The following AKAP19 variants were observed in gnomAD, a reference collection of about 807,000 sequenced individuals.
The protein encoded by AKAP19 is A-kinase anchoring protein 19, also known as small A-kinase anchoring protein.
At chr2:189,884,839 T>C in the AKAP19 span, among the ~76,000 whole-genome samples, 1 of 152,226 alleles carries the variant, frequency 6.6e-6, no homozygotes, top group African/African-American at 2.4e-5. Flanking sequence ...CAGCAAGTTC[T>C]CTGGTGATGC....
chr2:189,892,624 C>A, the AKAP19 span, among the ~76,000 whole-genome samples: 1 of 152,160 alleles, frequency 6.6e-6, no homozygotes, highest in Non-Finnish European at 1.5e-5. Flanking sequence ...CAGATGGGCA[C>A]CTGCCAGTTG....
At chr2:190,099,115 A>G in the AKAP19 span, among the ~76,000 whole-genome samples, 570 of 152,304 alleles carry the variant, frequency 3.7e-3, 16 homozygotes, top group Admixed American at 0.033. Flanking sequence ...TGTGTATTCA[A>G]TGGAGTAGCA....
At chr2:190,187,972 T>G in the AKAP19 span, among the ~76,000 whole-genome samples, 1 of 152,226 alleles carries the variant, frequency 6.6e-6, no homozygotes, top group Admixed American at 6.5e-5. Flanking sequence ...TTCTATATTT[T>G]TAGAGCTTTG....
At chr2:190,063,873 T>C in the AKAP19 span, among the ~76,000 whole-genome samples, 1 of 152,098 alleles carries the variant, frequency 6.6e-6, no homozygotes, top group Admixed American at 6.6e-5. Context: ...CCACAAGATC[T>C]AGTCAAATGA....
chr2:190,006,521 G>A, the AKAP19 span, among the ~76,000 whole-genome samples: 7 of 151,810 alleles, frequency 4.6e-5, no homozygotes, highest in African/African-American at 1.7e-4. Flanking sequence ...GTGATGGCGG[G>A]TGCCTGTAGT....
chr2:189,987,552 G>A, the AKAP19 span, among the ~76,000 whole-genome samples: 1 of 152,302 alleles, frequency 6.6e-6, no homozygotes, highest in African/African-American at 2.4e-5. Flanking sequence ...TTAAAATAGT[G>A]CATTCTCCTA....
the AKAP19 span, chr2:189,923,548 T>A: frequency 6.2e-7 from 1 of 1,613,932 alleles, no homozygotes; most frequent in Non-Finnish European, 8.5e-7. Context: ...CAGGAGAGGA[T>A]GGCAGAATGA....
At chr2:190,026,055 A>C in the AKAP19 span, among the ~76,000 whole-genome samples, 10 of 152,346 alleles carry the variant, frequency 6.6e-5, no homozygotes, top group Non-Finnish European at 1.5e-5. Flanking sequence ...CATTTTAAAA[A>C]AATACAAACA....
At chr2:190,130,341 T>C in the AKAP19 span, among the ~76,000 whole-genome samples, 1 of 152,160 alleles carries the variant, frequency 6.6e-6, no homozygotes, top group Admixed American at 6.6e-5. Context: ...AGTTAGATGT[T>C]GGGAACAAAT....
chr2:189,896,363 A>T, the AKAP19 span, among the ~76,000 whole-genome samples: 1 of 152,114 alleles, frequency 6.6e-6, no homozygotes, highest in African/African-American at 2.4e-5. Flanking sequence ...AACAACAAAT[A>T]TTCTTATATT....
At chr2:190,084,288 T>G in the AKAP19 span, among the ~76,000 whole-genome samples, 1 of 152,014 alleles carries the variant, frequency 6.6e-6, no homozygotes. Context: ...AGACAGGGTT[T>G]TACCATGTTG....
At chr2:189,965,875 T>G in the AKAP19 span, among the ~76,000 whole-genome samples, 1 of 152,098 alleles carries the variant, frequency 6.6e-6, no homozygotes, top group Non-Finnish European at 1.5e-5. Context: ...ACTTTGCAAT[T>G]GCAAAAATGT....
chr2:190,175,757 T>C, the AKAP19 span, among the ~76,000 whole-genome samples: 940 of 152,330 alleles, frequency 6.2e-3, 13 homozygotes, highest in African/African-American at 0.021. Flanking sequence ...ATTTAATTCA[T>C]AAGAGCTTTT....
chr2:190,071,681 G>C, the AKAP19 span, among the ~76,000 whole-genome samples: 8 of 152,126 alleles, frequency 5.3e-5, no homozygotes, highest in African/African-American at 1.7e-4. Flanking sequence ...TAACAATATT[G>C]ATATCATTAA....
the AKAP19 span, among the ~76,000 whole-genome samples, chr2:190,190,547 C>T: frequency 2.4e-4 from 36 of 152,200 alleles, no homozygotes; most frequent in Non-Finnish European, 5.1e-4. Context: ...CCTGTGTTTC[C>T]ATTTGTCTTA....
At chr2:190,089,194 C>T in the AKAP19 span, among the ~76,000 whole-genome samples, 1 of 152,166 alleles carries the variant, frequency 6.6e-6, no homozygotes, top group East Asian at 1.9e-4. Flanking sequence ...CAAATGTACT[C>T]AGCATGTCCA....
chr2:190,164,887 G>A, the AKAP19 span, among the ~76,000 whole-genome samples: 2 of 152,194 alleles, frequency 1.3e-5, no homozygotes, highest in Admixed American at 1.3e-4. Context: ...TGTAAATACA[G>A]ATGCTATGGA....
At chr2:190,061,755 A>C in the AKAP19 span, among the ~76,000 whole-genome samples, 1 of 152,050 alleles carries the variant, frequency 6.6e-6, no homozygotes. Flanking sequence ...GAGAGTTTCA[A>C]ATAACAGAAA....
At chr2:189,918,009 T>C in the AKAP19 span, among the ~76,000 whole-genome samples, 1 of 152,076 alleles carries the variant, frequency 6.6e-6, no homozygotes, top group Admixed American at 6.5e-5. Flanking sequence ...ACATTATATA[T>C]ACATAACTTA....
Sources: allele counts gnomAD v4.1 joint callset (sites outside exome capture counted in the v4.1 genomes callset), GRCh38; gene constraint gnomAD v4.1.1; transcripts MANE v1.5; gene names NCBI Gene and HGNC (gene_info 2026-07-23, HGNC 2026-07-21).